ARB2A: variants seen among roughly 807,000 people sequenced by gnomAD.
The protein encoded by ARB2A is cotranscriptional regulator ARB2A.
the ARB2A span, among the ~76,000 whole-genome samples, chr5:94,019,666 CT>C: frequency 6.6e-6 from 1 of 152,204 alleles, no homozygotes; most frequent in Non-Finnish European, 1.5e-5. Context: ...AACAGGAATG[CT>C]TTTACACTTT....
chr5:93,980,217 T>C, the ARB2A span, among the ~76,000 whole-genome samples: 1 of 152,178 alleles, frequency 6.6e-6, no homozygotes, highest in African/African-American at 2.4e-5. Context: ...TGAAAATATA[T>C]GTATCTGAAC....
the ARB2A span, among the ~76,000 whole-genome samples, chr5:93,826,842 G>A: frequency 3.4e-5 from 5 of 146,820 alleles, no homozygotes; most frequent in African/African-American, 7.6e-5. Flanking sequence ...GAGAACATGC[G>A]GTGTTTGGTT....
At chr5:93,964,717 C>A in the ARB2A span, among the ~76,000 whole-genome samples, 1 of 151,908 alleles carries the variant, frequency 6.6e-6, no homozygotes, top group African/African-American at 2.4e-5. Flanking sequence ...TAACTATGAA[C>A]CTTTGTATTA....
the ARB2A span, among the ~76,000 whole-genome samples, chr5:93,692,353 AAAAAC>A: frequency 1.3e-5 from 2 of 152,048 alleles, no homozygotes; most frequent in Admixed American, 6.6e-5. Context: ...AAACAAAAAC[AAAAAC>A]AAAACAAAAC....
At chr5:93,740,833 G>C in the ARB2A span, 3 of 1,613,760 alleles carry the variant, frequency 1.9e-6, no homozygotes, top group African/African-American at 2.7e-5. Context: ...GAGGCACCCA[G>C]CAATGTGGCT....
chr5:93,621,010 G>C, the ARB2A span: 1 of 1,611,358 alleles, frequency 6.2e-7, no homozygotes, highest in Non-Finnish European at 8.5e-7. Context: ...TGCTTGATGC[G>C]GTGGGAGCGG....
At chr5:93,984,999 A>G in the ARB2A span, among the ~76,000 whole-genome samples, 3 of 152,232 alleles carry the variant, frequency 2.0e-5, no homozygotes, top group South Asian at 2.1e-4. Context: ...CCCTCATTCT[A>G]TCTCCTACAG....
the ARB2A span, among the ~76,000 whole-genome samples, chr5:94,097,284 A>G: frequency 3.3e-5 from 5 of 152,282 alleles, no homozygotes; most frequent in African/African-American, 1.2e-4. Context: ...AGCTTGCAGC[A>G]TAGTCTCAGA....
chr5:93,812,613 T>C, the ARB2A span, among the ~76,000 whole-genome samples: 3 of 152,078 alleles, frequency 2.0e-5, no homozygotes, highest in Admixed American at 1.3e-4. Flanking sequence ...GTATGGAAAT[T>C]TGGAGAAAAT....
the ARB2A span, among the ~76,000 whole-genome samples, chr5:93,745,325 C>G: frequency 6.6e-6 from 1 of 152,298 alleles, no homozygotes; most frequent in South Asian, 2.1e-4. Context: ...CTGCCTTAAA[C>G]AGCTGGAGTT....
At chr5:93,994,131 A>C in the ARB2A span, among the ~76,000 whole-genome samples, 1 of 152,162 alleles carries the variant, frequency 6.6e-6, no homozygotes, top group South Asian at 2.1e-4. Flanking sequence ...TTAAAAACAG[A>C]ATTACTAAGT....
At chr5:93,841,824 G>A in the ARB2A span, among the ~76,000 whole-genome samples, 1 of 152,162 alleles carries the variant, frequency 6.6e-6, no homozygotes, top group Non-Finnish European at 1.5e-5. Flanking sequence ...AAAGGGATGC[G>A]AGTGTTGCTT....
the ARB2A span, among the ~76,000 whole-genome samples, chr5:93,949,262 C>A: frequency 6.6e-6 from 1 of 151,962 alleles, no homozygotes; most frequent in Non-Finnish European, 1.5e-5. Flanking sequence ...TGAGCCACTT[C>A]TCCCGGCCCA....
chr5:93,937,851 A>C, the ARB2A span, among the ~76,000 whole-genome samples: 5 of 152,204 alleles, frequency 3.3e-5, no homozygotes, highest in Non-Finnish European at 7.3e-5. Context: ...TATAATACCC[A>C]AAACAATGTA....
At chr5:94,086,994 G>A in the ARB2A span, among the ~76,000 whole-genome samples, 1 of 152,190 alleles carries the variant, frequency 6.6e-6, no homozygotes, top group Admixed American at 6.5e-5. Flanking sequence ...ATAGGAAATA[G>A]CAGCTCCATA....
chr5:94,061,537 C>T, the ARB2A span, among the ~76,000 whole-genome samples: 9 of 152,062 alleles, frequency 5.9e-5, no homozygotes, highest in African/African-American at 1.4e-4. Context: ...TGATTGTCTA[C>T]GTAGAAAATC....
chr5:93,928,269 G>A, the ARB2A span, among the ~76,000 whole-genome samples: 45 of 152,228 alleles, frequency 3.0e-4, no homozygotes, highest in Middle Eastern at 6.8e-3. Context: ...TTTTCACACT[G>A]AGATTTCATT....
the ARB2A span, chr5:94,050,674 T>C: frequency 1.5e-6 from 2 of 1,350,418 alleles, no homozygotes; most frequent in Non-Finnish European, 2.0e-6. Context: ...TTCAAAACTT[T>C]TATTCTGAAT....
the ARB2A span, among the ~76,000 whole-genome samples, chr5:94,020,558 C>T: frequency 6.6e-6 from 1 of 152,114 alleles, no homozygotes; most frequent in Admixed American, 6.5e-5. Flanking sequence ...ACCAAACAGG[C>T]TACTAAGGAT....
Sources: gnomAD v4.1 joint callset for allele counts (sites outside exome capture counted in the v4.1 genomes callset) on GRCh38, gnomAD v4.1.1 for gene constraint, MANE v1.5 for transcripts, NCBI Gene and HGNC (gene_info 2026-07-23, HGNC 2026-07-21) for gene names.